Variants in FGD3 observed in about 807,000 individuals in gnomAD.
The protein encoded by FGD3 is FYVE, RhoGEF and PH domain containing 3.
In FGD3, 45 loss-of-function variants were observed where a neutral mutation model predicts 71.8. The observed-to-expected ratio is 0.63, with a 90% CI of 0.49 to 0.80. The LOEUF (loss-of-function observed/expected upper bound fraction) is 0.80. FGD3 is among the 30% of genes least tolerant of loss of function. FGD3 has a pLI of 0.00. For synonymous variants in FGD3, 378 were observed against 392.8 expected (o/e 0.96, Z 0.44); for missense variants, 844 against 951.5 (o/e 0.89, Z 1.49).
chr9:92,962,045 G>T (rs993840723), intron 1 of FGD3, among the ~76,000 whole-genome samples: 1 of 152,210 alleles, frequency 6.6e-6, no homozygotes, highest in African/African-American at 2.4e-5. Context: ...GGGCCATTGG[G>T]GGGCAGGCTG....
At chr9:92,987,738 A>T (rs577876369) in intron 3 of FGD3, among the ~76,000 whole-genome samples, 2 of 152,138 alleles carry the variant, frequency 1.3e-5, no homozygotes, top group African/African-American at 4.8e-5. Context: ...AGCACTTGGG[A>T]GGGGCCGTAT....
chr9:92,961,596 A>G (rs771315592), intron 1 of FGD3, among the ~76,000 whole-genome samples: 48 of 152,200 alleles, frequency 3.2e-4, no homozygotes, highest in Non-Finnish European at 5.9e-4. Flanking sequence ...ACATCACTTT[A>G]AAACAATAGG....
chr9:92,997,161 G>C (rs1394860404), intron 3 of FGD3, among the ~76,000 whole-genome samples: 1 of 152,188 alleles, frequency 6.6e-6, no homozygotes, highest in Non-Finnish European at 1.5e-5. Context: ...GGGTGCTCCT[G>C]TATTGGGTGC....
intron 15 of FGD3, among the ~76,000 whole-genome samples, chr9:93,031,845 G>A (rs761894706): frequency 3.3e-5 from 5 of 152,182 alleles, no homozygotes; most frequent in Non-Finnish European, 5.9e-5. Context: ...TGAGACAGCA[G>A]GAGCCTCTTT....
At chr9:92,947,867 A>C (rs961110298) in intron 1 of FGD3, 138 bp downstream of exon 1, 1 of 152,444 alleles carries the variant, frequency 6.6e-6, no homozygotes, top group Non-Finnish European at 1.5e-5. Context: ...ACCCTTCTGC[A>C]GAAGGAGGAG....
chr9:93,023,795 C>CCTTTTT (rs1862017356), intron 14 of FGD3, among the ~76,000 whole-genome samples: 1 of 107,672 alleles, frequency 9.3e-6, no homozygotes, highest in African/African-American at 3.9e-5. Flanking sequence ...CCATCAGCAA[C>CCTTTTT]TTTTTTTTTT....
chr9:92,976,780 T>G, intron 3 of FGD3, 71 bp downstream of exon 3: 1 of 1,423,236 alleles, frequency 7.0e-7, no homozygotes, highest in Non-Finnish European at 9.4e-7. Context: ...AGATTTTCAG[T>G]GGGCGTCATC....
intron 1 of FGD3, chr9:92,974,615 A>ACCAGGGCAGGCTCAAGGCAG (rs1859654441): frequency 6.6e-6 from 1 of 152,318 alleles, no homozygotes; most frequent in Non-Finnish European, 1.5e-5. Context: ...GCTCAAGGCA[A>ACCAGGGCAGGCTCAAGGCAG]CCAGGGCAGG....
chr9:92,997,591 C>T (rs1304181802), intron 3 of FGD3, among the ~76,000 whole-genome samples: 3 of 152,046 alleles, frequency 2.0e-5, no homozygotes, highest in African/African-American at 7.2e-5. Flanking sequence ...TAATTTGGCA[C>T]GTTTTTGCAG....
At chr9:92,953,913 T>C (rs1342158918) in intron 1 of FGD3, among the ~76,000 whole-genome samples, 1 of 152,236 alleles carries the variant, frequency 6.6e-6, no homozygotes, top group African/African-American at 2.4e-5. Context: ...AAATTTTCCA[T>C]ATGTAAACAG....
rs1371498645 is a variant in FGD3, at chr9:93,036,232, C to A, written c.*643C>A. 6.6e-6 allele frequency: 1 copy of A among 152,388 alleles called. No homozygotes were observed. Among genetic ancestry groups the A allele is most frequent in the Admixed American group, 6.5e-5 (1 of 15,290 alleles). 9.4% of individuals were successfully genotyped at this position (152,388 alleles called of 1,614,324 possible). On this transcript the variant is annotated 3_prime_UTR_variant, in exon 18 of 18. Coordinates refer to ENST00000375482, the MANE Select transcript of FGD3 (RefSeq NM_001083536.2). Reference sequence around the variant, plus strand: ...TGCATAAATAAACACTGGCCACCAGCAGTGGGCGCAGCCTCGGTGATCTCT... The same window carrying A: ...TGCATAAATAAACACTGGCCACCAGAAGTGGGCGCAGCCTCGGTGATCTCT...
intron 1 of FGD3, among the ~76,000 whole-genome samples, chr9:92,953,977 A>G (rs1206081159): frequency 2.0e-5 from 3 of 152,210 alleles, no homozygotes; most frequent in Non-Finnish European, 4.4e-5. Context: ...GGAATCTCCA[A>G]TGAACAACTT....
intron 13 of FGD3, 26 bp downstream of exon 13, chr9:93,020,450 G>A (rs1369918437): frequency 6.3e-7 from 1 of 1,598,736 alleles, no homozygotes; most frequent in Non-Finnish European, 8.5e-7. Flanking sequence ...GGGGTGCAGA[G>A]AGACCTCCAG....
intron 3 of FGD3, among the ~76,000 whole-genome samples, chr9:92,987,109 G>C (rs781090843): frequency 6.6e-6 from 1 of 152,170 alleles, no homozygotes; most frequent in Non-Finnish European, 1.5e-5. Context: ...AGGCAGTATG[G>C]GTTTTTGGAA....
At chr9:93,006,560 GT>G (rs1272996547) in intron 6 of FGD3, among the ~76,000 whole-genome samples, 6 of 151,982 alleles carry the variant, frequency 3.9e-5, no homozygotes, top group Non-Finnish European at 8.8e-5. Flanking sequence ...TTGCTTTTTT[GT>G]TTTTCGCTTT....
chr9:93,010,337 A>C lies in FGD3; in HGVS notation c.929A>C (p.Tyr310Ser). The change falls in exon 7 of 18, where the codon TAT (tyrosine) becomes TCT (serine). Residue 310 changes from tyrosine to serine, a missense_variant. Coordinates refer to ENST00000375482, the MANE Select transcript of FGD3 (RefSeq NM_001083536.2). The stretch of plus-strand genomic sequence containing the variant: ...CGGTACGAGCTGCTGCTCAAGGACT[A>C]TCTGAAGAGGCTCCCGCAGGACGCC... ...VPRYELLLKD[Y>S]LKRLPQDAPD... 6.2e-7 allele frequency: 1 copy of C among 1,613,640 alleles called. No homozygotes were observed. The highest frequency in any genetic ancestry group is 8.5e-7 in the Non-Finnish European group (1 of 1,179,596).
Position 93,010,337 on chromosome 9 carries a change from A to G in FGD3, c.929A>G (p.Tyr310Cys). 1 of 1,613,640 alleles carries G rather than the reference A, an allele frequency of 6.2e-7. No homozygotes were observed. Among genetic ancestry groups the G allele is most frequent in the Non-Finnish European group, 8.5e-7 (1 of 1,179,596 alleles). Residue 310 changes from tyrosine (Y) to cysteine (C), a missense_variant, in exon 7 of 18, where the codon TAT (tyrosine) becomes TGT (cysteine). Physicochemically the swap from Tyr to Cys is radical, Grantham distance 194. Coordinates refer to ENST00000375482, the MANE Select transcript of FGD3 (RefSeq NM_001083536.2). ...VPRYELLLKDYLKRLPQDAPD... is the reference protein window; with the variant it reads ...VPRYELLLKDCLKRLPQDAPD... Reference sequence around the variant, plus strand: ...CGGTACGAGCTGCTGCTCAAGGACTATCTGAAGAGGCTCCCGCAGGACGCC... The same window carrying G: ...CGGTACGAGCTGCTGCTCAAGGACTGTCTGAAGAGGCTCCCGCAGGACGCC...
At chr9:93,002,782 G>A in intron 3 of FGD3, 143 bp from the exon 4 acceptor site, 6 of 719,846 alleles carry the variant, frequency 8.3e-6, no homozygotes, top group Middle Eastern at 3.9e-4. Context: ...CATCACAGTG[G>A]CCCCTCCTGC....
rs758261600 is a variant in FGD3 at position 93,035,508 on chromosome 9, C to T, written c.2097C>T (p.Ser699=). 4.8e-5 allele frequency: 77 copies of T among 1,612,932 alleles called. No homozygotes were observed. Among genetic ancestry groups the T allele is most frequent in the Non-Finnish European group, 6.4e-5 (76 of 1,180,008 alleles). ...AGCAGCAGTGGCTGGAAACCCTAAG[C>T]ACTGCTGCCCATGGGGACACGGCCC... The part of the protein sequence containing the change: ...ELQQQWLETL[S]TAAHGDTAQD... Residue 699 remains serine, a synonymous_variant, in exon 18 of 18, where the codon AGC becomes AGT. Transcript: ENST00000375482.
Sources: gnomAD v4.1 joint callset for allele counts (sites outside exome capture counted in the v4.1 genomes callset) on GRCh38, gnomAD v4.1.1 for gene constraint, MANE v1.5 for transcripts, NCBI Gene and HGNC (gene_info 2026-07-23, HGNC 2026-07-21) for gene names.